Variants in BMP2K observed in about 807,000 individuals in gnomAD.
BMP2K encodes the protein BMP2 inducible kinase.
A neutral mutation model predicts 116.0 loss-of-function variants in BMP2K; 74 were observed. The ratio of observed to expected loss-of-function variants is 0.64; its 90% CI spans 0.53 to 0.77. The LOEUF (loss-of-function observed/expected upper bound fraction) is 0.77, where lower values mean the gene tolerates loss of function less well. BMP2K is among the 30% of genes least tolerant of loss of function. The pLI is 0.00. For missense variants in BMP2K, 1,365 were observed against 1,403.6 expected, an observed-to-expected ratio of 0.97 and a Z score of 0.44; for synonymous variants, 486 against 502.5, an observed-to-expected ratio of 0.97 and a Z score of 0.44.
At chr4:78,845,159 G>C in intron 5 of BMP2K, 110 bp downstream of exon 5, 1 of 980,494 alleles carries the variant, frequency 1.0e-6, no homozygotes, top group African/African-American at 1.7e-5. Context: ...AGATTTCTTT[G>C]AAATATTTCT....
chr4:78,843,333 G>C (rs1577918798), intron 4 of BMP2K, among the ~76,000 whole-genome samples: 1 of 151,652 alleles, frequency 6.6e-6, no homozygotes, highest in African/African-American at 2.4e-5. Flanking sequence ...ATTACTTCCT[G>C]TGATACTGTA....
At chr4:78,782,765 A>G (rs1375032768) in intron 1 of BMP2K, among the ~76,000 whole-genome samples, 1 of 152,214 alleles carries the variant, frequency 6.6e-6, no homozygotes, top group East Asian at 1.9e-4. Context: ...CAATTGTGAA[A>G]TTGTTTTACA....
At chr4:78,840,556 G>GAT (rs1416247132) in intron 3 of BMP2K, among the ~76,000 whole-genome samples, 1 of 151,904 alleles carries the variant, frequency 6.6e-6, no homozygotes. Context: ...TTTAAAGGTG[G>GAT]GGTATCTCAT....
chr4:78,874,744 G>A (rs1031375332), intron 13 of BMP2K, among the ~76,000 whole-genome samples: 2 of 152,126 alleles, frequency 1.3e-5, no homozygotes, highest in African/African-American at 4.8e-5. Flanking sequence ...AAAGAAAGTT[G>A]GATATCCAAG....
At position 78,911,266 on chromosome 4, in the gene BMP2K, G is replaced by A. The variant is rs1734580253; in HGVS notation, c.2719G>A (p.Val907Met). 48 of 1,613,874 alleles carry A rather than the reference G, an allele frequency of 3.0e-5. No homozygotes were observed. Among genetic ancestry groups the A allele is most frequent in the Non-Finnish European group, 4.0e-5 (47 of 1,179,902 alleles). The change falls in exon 16 of 16, where the codon GTG (valine) becomes ATG (methionine). Residue 907 changes from valine (V) to methionine (M), a missense_variant. By Grantham distance (21) the Val-to-Met change is conservative. Coordinates refer to ENST00000502613, the MANE Select transcript of BMP2K (RefSeq NM_198892.2). ...VFTKAPFSKK[V>M]NVQECHAVGP... ...CACAAAGGCGCCTTTTAGCAAGAAG[G>A]TGAATGTACAAGAATGCCATGCAGT... is the stretch of plus-strand genomic sequence containing the variant.
chr4:78,832,548 A>G lies in BMP2K; in HGVS notation c.298-1034A>G, dbSNP rs1286435400. Among the ~76,000 whole-genome samples the G allele has an allele frequency of 2.0e-5, 3 of 152,166 alleles. No individual in the cohort carries two copies. The East Asian group carries it at 5.8e-4, about 29-fold the overall frequency. Reference sequence around the variant, plus strand: ...TTTTGTACAGTTAAGGCTGTTAGCTAGAAGGGTGAAAAGATTTACCTCAAG... The same window carrying G: ...TTTTGTACAGTTAAGGCTGTTAGCTGGAAGGGTGAAAAGATTTACCTCAAG... On this transcript the variant is annotated intron_variant, in intron 2 of 15. Coordinates refer to ENST00000502613, the MANE Select transcript of BMP2K (RefSeq NM_198892.2).
chr4:78,902,710 A>T (rs1468438457), intron 15 of BMP2K, among the ~76,000 whole-genome samples: 2 of 152,168 alleles, frequency 1.3e-5, no homozygotes, highest in Non-Finnish European at 2.9e-5. Flanking sequence ...TTAAAAATGT[A>T]CCACCTGTTT....
At chr4:78,892,738 A>G (rs964721589) in intron 15 of BMP2K, among the ~76,000 whole-genome samples, 75 of 152,360 alleles carry the variant, frequency 4.9e-4, no homozygotes, top group African/African-American at 1.8e-3. Flanking sequence ...CAGTGCATAC[A>G]AAAGTTACAT....
chr4:78,872,477 T>C, intron 12 of BMP2K, 137 bp from the exon 13 acceptor site: 1 of 736,012 alleles, frequency 1.4e-6, no homozygotes, highest in Non-Finnish European at 2.1e-6. Context: ...GTAATAGAGC[T>C]GCTTCTGTAG....
intron 15 of BMP2K, among the ~76,000 whole-genome samples, chr4:78,892,868 G>C (rs1733515749): frequency 6.6e-6 from 1 of 152,166 alleles, no homozygotes; most frequent in South Asian, 2.1e-4. Flanking sequence ...ACCTTCAGCT[G>C]GTTGTAATCT....
At chr4:78,797,374 G>A (rs1269729509) in intron 1 of BMP2K, among the ~76,000 whole-genome samples, 1 of 152,172 alleles carries the variant, frequency 6.6e-6, no homozygotes, top group Admixed American at 6.5e-5. Context: ...ATGGCCTTCA[G>A]ATGGATTATT....
At chr4:78,783,032 CTTT>C (rs1727580780) in intron 1 of BMP2K, among the ~76,000 whole-genome samples, 1 of 152,182 alleles carries the variant, frequency 6.6e-6, no homozygotes, top group East Asian at 1.9e-4. Context: ...TATGAGTGAA[CTTT>C]TAAGTTCCGA....
Position 78,776,725 on chromosome 4 carries a change from C to T in BMP2K, c.178+4C>T. On this transcript the variant is annotated splice_donor_region_variant and intron_variant, in intron 1 of 15. Transcript: ENST00000502613. ...CTGGAAGAGTCGCTGGCCGAAGGTACGGGCGCCCGGGGAGGCTCGGACAGG... is the reference window on the plus strand; with the variant it reads ...CTGGAAGAGTCGCTGGCCGAAGGTATGGGCGCCCGGGGAGGCTCGGACAGG... 5 of 1,263,794 alleles carry T rather than the reference C, an allele frequency of 4.0e-6. No individual in the cohort carries two copies. Among genetic ancestry groups the T allele is most frequent in the South Asian group, 3.8e-5 (1 of 26,186 alleles). The allele number at this position is 1,263,794 out of a possible 1,614,324, so 78.3% of individuals were successfully genotyped here.
chr4:78,802,464 A>T (rs924592564), intron 1 of BMP2K, among the ~76,000 whole-genome samples: 3 of 152,238 alleles, frequency 2.0e-5, no homozygotes, highest in African/African-American at 7.2e-5. Flanking sequence ...ACATAGTCAA[A>T]CTTACAAGTT....
Position 78,885,263 on chromosome 4 carries a change from G to A in BMP2K, c.1952-1911G>A, listed in dbSNP as rs906372597. On this transcript the variant is annotated intron_variant, in intron 14 of 15. Transcript: ENST00000502613. ...AGCTGTAAGAGCTGGTAATTGTCCC[G>A]TTGTCATAAAGGTTTTGAAAGAATT... Among the ~76,000 whole-genome samples, 9 of 152,220 alleles carry A rather than the reference G, an allele frequency of 5.9e-5. 1 individual carries two copies. Among genetic ancestry groups the A allele is most frequent in the Admixed American group, 5.2e-4 (8 of 15,294 alleles).
At chr4:78,831,691 A>C (rs1488061677) in intron 2 of BMP2K, among the ~76,000 whole-genome samples, 1 of 152,178 alleles carries the variant, frequency 6.6e-6, no homozygotes, top group Non-Finnish European at 1.5e-5. Flanking sequence ...ACAAGGGAAA[A>C]CTTATTTTTA....
chr4:78,902,752 G>C (rs976898792), intron 15 of BMP2K, among the ~76,000 whole-genome samples: 2 of 152,006 alleles, frequency 1.3e-5, no homozygotes, highest in African/African-American at 2.4e-5. Flanking sequence ...CCTCTAAAAG[G>C]AAAAGAGGGA....
At chr4:78,788,696 G>GTT (rs557913441) in intron 1 of BMP2K, among the ~76,000 whole-genome samples, 23 of 144,896 alleles carry the variant, frequency 1.6e-4, no homozygotes, top group African/African-American at 5.5e-4. Context: ...AAACTCATGA[G>GTT]TTTTTTTTTT....
At chr4:78,907,569 A>G (rs1734348958) in intron 15 of BMP2K, among the ~76,000 whole-genome samples, 1 of 152,210 alleles carries the variant, frequency 6.6e-6, no homozygotes, top group African/African-American at 2.4e-5. Context: ...AGTTGGTTTT[A>G]AAGGTTAACA....
Sources: allele counts gnomAD v4.1 joint callset (sites outside exome capture counted in the v4.1 genomes callset), GRCh38; gene constraint gnomAD v4.1.1; transcripts MANE v1.5; gene names NCBI Gene and HGNC (gene_info 2026-07-23, HGNC 2026-07-21).